CLSTN2: variants seen among roughly 807,000 people sequenced by gnomAD.
The protein encoded by CLSTN2 is calsyntenin 2, also known as calsyntenin-2.
A neutral mutation model predicts 101.2 loss-of-function variants in CLSTN2; 48 were observed. That is an observed-to-expected ratio of 0.47 (90% CI 0.38 to 0.60). The LOEUF (loss-of-function observed/expected upper bound fraction) is 0.60. CLSTN2 is among the 20% of genes least tolerant of loss of function. The pLI is 0.00. For synonymous variants in CLSTN2, 481 were observed against 463.6 expected (o/e 1.04, Z -0.48); for missense variants, 1,160 against 1,238.2 (o/e 0.94, Z 0.95).
At position 140,404,696 on chromosome 3, in the gene CLSTN2, C is replaced by T. The variant is rs142111816; in HGVS notation, c.567C>T (p.Ser189=). 127 of 1,614,168 alleles carry T rather than the reference C, an allele frequency of 7.9e-5. No homozygotes were observed. The African/African-American group carries it at 1.5e-3, about 20-fold the overall frequency. ...LQVEAIDEDC[S]PQYSQICNYE... ...TGGAGGCCATTGACGAGGACTGCTC[C>T]CCACAGTACAGCCAGATCTGCAACT... is the stretch of plus-strand genomic sequence containing the variant. The change falls in exon 4 of 17, where the codon TCC becomes TCT. Residue 189 remains serine (S), a synonymous_variant. Transcript: ENST00000458420.
chr3:140,403,357 A>G (rs1424997495), intron 2 of CLSTN2, among the ~76,000 whole-genome samples: 2 of 152,178 alleles, frequency 1.3e-5, no homozygotes, highest in African/African-American at 4.8e-5. Flanking sequence ...GGAAAGAGGA[A>G]AGCAGTGCTG....
intron 2 of CLSTN2, among the ~76,000 whole-genome samples, chr3:140,311,581 C>A (rs1202170176): frequency 6.6e-6 from 1 of 151,428 alleles, no homozygotes; most frequent in Non-Finnish European, 1.5e-5. Flanking sequence ...GCTGTGATGA[C>A]AGGCGTGAGC....
Position 140,273,869 on chromosome 3 carries a change from T to C in CLSTN2, c.232+97796T>C, listed in dbSNP as rs186328621. 4.2e-3 allele frequency among the ~76,000 whole-genome samples: 644 copies of C among 152,332 alleles called. 3 individuals carry two copies. Among genetic ancestry groups the C allele is most frequent in the African/African-American group, 0.015 (603 of 41,566 alleles). On this transcript the variant is annotated intron_variant, in intron 2 of 16. Coordinates refer to ENST00000458420, the MANE Select transcript of CLSTN2 (RefSeq NM_022131.3). ...CTACAAAGAATGTCCTTACCTACTA[T>C]GGCTCTTTGGGGACCTGGCTCAATT...
chr3:140,177,108 A>G (rs2010337223), intron 2 of CLSTN2, among the ~76,000 whole-genome samples: 1 of 152,244 alleles, frequency 6.6e-6, no homozygotes, highest in Non-Finnish European at 1.5e-5. Context: ...AGATAAACCC[A>G]TAAGCATTCT....
chr3:140,260,158 T>TATA (rs1559821942), intron 2 of CLSTN2, among the ~76,000 whole-genome samples: 64 of 146,792 alleles, frequency 4.4e-4, no homozygotes, highest in African/African-American at 1.2e-3. Flanking sequence ...ATATATATAT[T>TATA]ATATATAAAA....
intron 2 of CLSTN2, among the ~76,000 whole-genome samples, chr3:140,334,354 G>T (rs1419360481): frequency 6.6e-6 from 1 of 152,200 alleles, no homozygotes; most frequent in Non-Finnish European, 1.5e-5. Context: ...GTAAATGGAG[G>T]ACTTGTGGCA....
At chr3:140,487,438 G>A (rs1934261121) in intron 8 of CLSTN2, among the ~76,000 whole-genome samples, 3 of 152,202 alleles carry the variant, frequency 2.0e-5, no homozygotes, top group African/African-American at 4.8e-5. Context: ...GCTAATTAAA[G>A]GTAAAACCAT....
chr3:140,231,361 C>T (rs958663232), intron 2 of CLSTN2, among the ~76,000 whole-genome samples: 2 of 152,140 alleles, frequency 1.3e-5, no homozygotes, highest in Non-Finnish European at 2.9e-5. Context: ...CTAGGTCTAT[C>T]CCATCACAAA....
intron 1 of CLSTN2, among the ~76,000 whole-genome samples, chr3:140,070,756 T>C (rs1177847625): frequency 9.2e-5 from 14 of 152,312 alleles, no homozygotes; most frequent in African/African-American, 3.4e-4. Context: ...ATTGGCAGTC[T>C]GTGGCTTGCT....
chr3:140,125,824 G>A (rs542253486), intron 1 of CLSTN2, among the ~76,000 whole-genome samples: 16 of 152,182 alleles, frequency 1.1e-4, no homozygotes, highest in African/African-American at 3.1e-4. Flanking sequence ...GAAGGAGAAA[G>A]AGCACAATCC....
chr3:140,058,616 G>T (rs186126564), intron 1 of CLSTN2, among the ~76,000 whole-genome samples: 1 of 152,234 alleles, frequency 6.6e-6, no homozygotes, highest in African/African-American at 2.4e-5. Context: ...CTATTCAAAA[G>T]GGCCAATGAT....
chr3:140,406,422 A>G (rs993265837), intron 4 of CLSTN2, among the ~76,000 whole-genome samples: 1 of 152,264 alleles, frequency 6.6e-6, no homozygotes, highest in African/African-American at 2.4e-5. Flanking sequence ...AAAGACAATT[A>G]CATACCTGGA....
chr3:140,181,058 G>T (rs1027492072), intron 2 of CLSTN2, among the ~76,000 whole-genome samples: 1 of 152,218 alleles, frequency 6.6e-6, no homozygotes, highest in African/African-American at 2.4e-5. Flanking sequence ...GTCTTATAGT[G>T]AGAAGGGAAG....
intron 2 of CLSTN2, among the ~76,000 whole-genome samples, chr3:140,197,965 T>A (rs2010667126): frequency 6.6e-6 from 1 of 152,222 alleles, no homozygotes; most frequent in Admixed American, 6.5e-5. Context: ...CTGGCTTTGT[T>A]ATCCTGTGGA....
At chr3:140,209,377 A>C (rs902566170) in intron 2 of CLSTN2, among the ~76,000 whole-genome samples, 1 of 152,186 alleles carries the variant, frequency 6.6e-6, no homozygotes, top group Non-Finnish European at 1.5e-5. Flanking sequence ...TCTTTCTTTC[A>C]GCTGTGTAGC....
chr3:139,943,766 C>T (rs1935173403), intron 1 of CLSTN2, among the ~76,000 whole-genome samples: 1 of 152,166 alleles, frequency 6.6e-6, no homozygotes, highest in Non-Finnish European at 1.5e-5. Context: ...CAAAAGCCAC[C>T]CACCTCCAAC....
At chr3:140,525,702 A>C (rs1215479489) in intron 8 of CLSTN2, among the ~76,000 whole-genome samples, 1 of 152,212 alleles carries the variant, frequency 6.6e-6, no homozygotes, top group African/African-American at 2.4e-5. Flanking sequence ...AACTGAATAC[A>C]GCAGCACATC....
At chr3:139,980,352 G>T (rs764182081) in intron 1 of CLSTN2, among the ~76,000 whole-genome samples, 2 of 152,046 alleles carry the variant, frequency 1.3e-5, no homozygotes, top group Non-Finnish European at 2.9e-5. Context: ...TTCCCTGATG[G>T]ACTTTTACTC....
At chr3:139,936,842 G>T (rs752952314) in intron 1 of CLSTN2, among the ~76,000 whole-genome samples, 4 of 150,380 alleles carry the variant, frequency 2.7e-5, no homozygotes, top group Non-Finnish European at 5.9e-5. Flanking sequence ...TTATAAGCAG[G>T]CATTCTGTTT....
Sources: allele counts gnomAD v4.1 joint callset (sites outside exome capture counted in the v4.1 genomes callset), GRCh38; gene constraint gnomAD v4.1.1; transcripts MANE v1.5; gene names NCBI Gene and HGNC (gene_info 2026-07-23, HGNC 2026-07-21).